CNOT6L: variants seen among roughly 807,000 people sequenced by gnomAD.
The protein encoded by CNOT6L is CCR4-NOT transcription complex subunit 6-like.
In CNOT6L, 7 loss-of-function variants were observed where a neutral mutation model predicts 64.0. The observed-to-expected ratio is 0.11, with a 90% CI of 0.06 to 0.21. The LOEUF is 0.21. Among genes scored for constraint, CNOT6L ranks in the 10% least tolerant of loss-of-function variants. The pLI is 1.00. For missense variants in CNOT6L, 245 were observed against 669.0 expected (o/e 0.37, Z 6.99); for synonymous variants, 193 against 243.4 (o/e 0.79, Z 1.93).
intron 1 of CNOT6L, among the ~76,000 whole-genome samples, chr4:77,807,788 A>G (rs141476163): frequency 7.2e-4 from 110 of 152,314 alleles, no homozygotes; most frequent in Non-Finnish European, 1.4e-3. Context: ...AAGCAGCAAG[A>G]TATCTTAGGA....
At chr4:77,729,271 G>A (rs2109884414) in intron 9 of CNOT6L, among the ~76,000 whole-genome samples, 190 bp from the exon 10 acceptor site, 1 of 152,162 alleles carries the variant, frequency 6.6e-6, no homozygotes, top group East Asian at 1.9e-4. Flanking sequence ...TCCTACTATG[G>A]GAATTACTCT....
chr4:77,762,174 C>T (rs912173132), intron 4 of CNOT6L, among the ~76,000 whole-genome samples: 13 of 152,076 alleles, frequency 8.5e-5, no homozygotes, highest in African/African-American at 3.1e-4. Flanking sequence ...TCTGTATATT[C>T]AACATAATCC....
chr4:77,793,430 T>C (rs1730407953), intron 1 of CNOT6L, among the ~76,000 whole-genome samples: 1 of 152,176 alleles, frequency 6.6e-6, no homozygotes, highest in Admixed American at 6.5e-5. Context: ...GGAGGTGCTT[T>C]AATTATCTTT....
chr4:77,768,474 A>AAT (rs1193284066), intron 4 of CNOT6L, among the ~76,000 whole-genome samples: 344 of 12,930 alleles, frequency 0.027, no homozygotes, highest in South Asian at 0.062. Flanking sequence ...AAAATAAATA[A>AAT]ATATATATAT....
At chr4:77,746,869 C>T (rs1246123779) in intron 6 of CNOT6L, among the ~76,000 whole-genome samples, 3 of 152,210 alleles carry the variant, frequency 2.0e-5, no homozygotes, top group South Asian at 4.1e-4. Flanking sequence ...ATTCATAACA[C>T]TGACACAATG....
chr4:77,724,766 G>C (rs1354136141), intron 11 of CNOT6L, among the ~76,000 whole-genome samples: 1 of 152,006 alleles, frequency 6.6e-6, no homozygotes, highest in Non-Finnish European at 1.5e-5. Flanking sequence ...CTTTATCACA[G>C]GTTTTCTGGG....
At chr4:77,759,017 C>T (rs1241351817) in intron 4 of CNOT6L, among the ~76,000 whole-genome samples, 3 of 151,894 alleles carry the variant, frequency 2.0e-5, no homozygotes, top group African/African-American at 4.8e-5. Flanking sequence ...CCTCCCCCTC[C>T]GCACCTTACC....
chr4:77,794,989 A>C (rs1198133998), intron 1 of CNOT6L, among the ~76,000 whole-genome samples: 1 of 151,820 alleles, frequency 6.6e-6, no homozygotes, highest in African/African-American at 2.4e-5. Context: ...TTCTACATAC[A>C]GGTAACAAGC....
intron 7 of CNOT6L, among the ~76,000 whole-genome samples, chr4:77,743,065 AT>A (rs1723768577): frequency 6.6e-6 from 1 of 152,178 alleles, no homozygotes; most frequent in South Asian, 2.1e-4. Context: ...ATTAAGTACA[AT>A]AAATAAGAAT....
chr4:77,748,496 C>CT lies in CNOT6L; in HGVS notation c.491-113dup, dbSNP rs1035776192. On this transcript the variant is annotated intron_variant, in intron 5 of 11. Coordinates refer to ENST00000504123, the MANE Select transcript of CNOT6L (RefSeq NM_144571.3). ...CTATTCTGCTGTAACGGCCTGCAAACTGACTTAATCTAATGCTGAAATTTA... is the reference window on the plus strand; with the variant it reads ...CTATTCTGCTGTAACGGCCTGCAAACTTGACTTAATCTAATGCTGAAATTTA... 2.4e-5 allele frequency: 17 copies of CT among 709,236 alleles called. No individual in the cohort carries two copies. The African/African-American group carries it at 3.0e-4, about 13-fold the overall frequency. 43.9% of individuals were successfully genotyped at this position (709,236 alleles called of 1,614,324 possible). A position where few individuals can be genotyped will look rare whatever the true frequency, so the allele number is the denominator to read the frequency against.
chr4:77,779,059 A>C (rs1322546200), intron 1 of CNOT6L, among the ~76,000 whole-genome samples: 1 of 97,122 alleles, frequency 1.0e-5, no homozygotes, highest in Non-Finnish European at 2.3e-5. Context: ...AAAAAAAAAA[A>C]AAACAAAAAA....
chr4:77,722,461 G>A (rs1326127451), intron 11 of CNOT6L, among the ~76,000 whole-genome samples: 2 of 152,120 alleles, frequency 1.3e-5, no homozygotes, highest in African/African-American at 2.4e-5. Flanking sequence ...TCCTAGGGAG[G>A]TCAAGGCCCA....
intron 1 of CNOT6L, among the ~76,000 whole-genome samples, chr4:77,801,585 T>C (rs1213282061): frequency 6.6e-6 from 1 of 150,680 alleles, no homozygotes; most frequent in African/African-American, 2.4e-5. Context: ...TGAAAACAAA[T>C]TGCACAGAAT....
chr4:77,749,280 A>G (rs540978223), intron 5 of CNOT6L, among the ~76,000 whole-genome samples: 5 of 152,194 alleles, frequency 3.3e-5, no homozygotes, highest in Non-Finnish European at 7.4e-5. Flanking sequence ...CATATATTCC[A>G]TATCTTGCCA....
intron 10 of CNOT6L, among the ~76,000 whole-genome samples, chr4:77,728,089 A>T (rs1265625341): frequency 6.6e-6 from 1 of 152,244 alleles, no homozygotes; most frequent in Non-Finnish European, 1.5e-5. Flanking sequence ...AATTATTTTT[A>T]TAAAAAGTAA....
chr4:77,763,589 G>T (rs181271505), intron 4 of CNOT6L, among the ~76,000 whole-genome samples: 7 of 152,054 alleles, frequency 4.6e-5, no homozygotes, highest in Non-Finnish European at 1.0e-4. Context: ...TACAGAAAAA[G>T]CCAACAGTCA....
chr4:77,774,777 A>G lies in CNOT6L; in HGVS notation c.128-61T>C. 4 of 1,070,884 alleles carry G rather than the reference A, an allele frequency of 3.7e-6. No homozygotes were observed. The South Asian group carries it at 8.0e-5, about 21-fold the overall frequency. 66.3% of individuals were successfully genotyped at this position (1,070,884 alleles called of 1,614,324 possible). A position where few individuals can be genotyped will look rare whatever the true frequency, so the allele number is the denominator to read the frequency against. ...CCAGGCCCAAGATGACACCTAAACT[A>G]CAACGACTGAAAAGTGGTAAGAGAG... On this transcript the variant is annotated intron_variant, in intron 2 of 11. Coordinates refer to ENST00000504123, the MANE Select transcript of CNOT6L (RefSeq NM_144571.3).
chr4:77,715,875 C>CA lies in CNOT6L; in HGVS notation c.*4555dup, dbSNP rs1204259593. On this transcript the variant is annotated 3_prime_UTR_variant, in exon 12 of 12. Transcript: ENST00000504123. ...CAGATTAGAACTTTGGTAAATAAGA[C>CA]AGATTAAAGATGTACTAAAATGTTT... 6.6e-6 allele frequency: 1 copy of CA among 152,452 alleles called. No homozygotes were observed. Among genetic ancestry groups the CA allele is most frequent in the Non-Finnish European group, 1.5e-5 (1 of 67,968 alleles). The allele number at this position is 152,452 out of a possible 1,614,324, so 9.4% of individuals were successfully genotyped here.
chr4:77,783,358 T>C (rs1027462039), intron 1 of CNOT6L, among the ~76,000 whole-genome samples: 2 of 152,234 alleles, frequency 1.3e-5, no homozygotes, highest in Middle Eastern at 3.2e-3. Flanking sequence ...ACATTGTCCT[T>C]ACCCGCATGG....
Sources: gnomAD v4.1 joint callset for allele counts (sites outside exome capture counted in the v4.1 genomes callset) on GRCh38, gnomAD v4.1.1 for gene constraint, MANE v1.5 for transcripts, NCBI Gene and HGNC (gene_info 2026-07-23, HGNC 2026-07-21) for gene names.